The following NLGN1 variants were observed in gnomAD, a reference collection of about 807,000 sequenced individuals.
NLGN1 encodes neuroligin 1.
NLGN1 carries 12 observed loss-of-function variants against 65.5 expected under a neutral mutation model. The ratio of observed to expected loss-of-function variants is 0.18; its 90% CI spans 0.12 to 0.30. The LOEUF (loss-of-function observed/expected upper bound fraction) is 0.30, where lower values mean the gene tolerates loss of function less well. Among genes scored for constraint, NLGN1 ranks in the 10% least tolerant of loss-of-function variants. The pLI is 1.00. For missense variants in NLGN1, 750 were observed against 1,007.1 expected (o/e 0.74, Z 3.46); for synonymous variants, 350 against 359.5 (o/e 0.97, Z 0.30).
intron 4 of NLGN1, among the ~76,000 whole-genome samples, chr3:174,272,392 T>TATC (rs1461442953): frequency 6.6e-6 from 1 of 151,802 alleles, no homozygotes; most frequent in African/African-American, 2.4e-5. Context: ...TAGCAAACTG[T>TATC]ATCTCTTTTG....
intron 4 of NLGN1, among the ~76,000 whole-genome samples, chr3:174,230,985 A>G (rs756928857): frequency 6.6e-6 from 1 of 152,148 alleles, no homozygotes; most frequent in Non-Finnish European, 1.5e-5. Context: ...GTCCTCAGGC[A>G]GGAAGGGGGT....
intron 2 of NLGN1, among the ~76,000 whole-genome samples, chr3:173,534,587 G>T (rs1234268096): frequency 1.3e-5 from 2 of 152,122 alleles, no homozygotes; most frequent in East Asian, 1.9e-4. Context: ...GCTTTCTAGG[G>T]CAGGAGCTAT....
At position 173,600,667 on chromosome 3, in the gene NLGN1, A is replaced by G. The variant is rs115632861; in HGVS notation, c.-320-3612A>G. On this transcript the variant is annotated intron_variant, in intron 2 of 6. Coordinates refer to ENST00000457714, the Ensembl canonical transcript of NLGN1. Reference sequence around the variant, plus strand: ...ATATTTCCTGCTAGGCCCTGCTCCCACATTCATCATGTATTTATTGAACAC... The same window carrying G: ...ATATTTCCTGCTAGGCCCTGCTCCCGCATTCATCATGTATTTATTGAACAC... 3.4e-3 allele frequency among the ~76,000 whole-genome samples: 472 copies of G among 137,100 alleles called. 2 individuals carry two copies. Among genetic ancestry groups the G allele is most frequent in the African/African-American group, 0.012 (454 of 38,406 alleles). 89.9% of individuals were successfully genotyped at this position (137,100 alleles called of 152,430 possible).
At chr3:174,155,810 T>G (rs748287) in intron 4 of NLGN1, among the ~76,000 whole-genome samples, 44,781 of 151,578 alleles carry the variant, frequency 0.3, 7,822 homozygotes, top group East Asian at 0.57. Context: ...TTTTGTAATT[T>G]TAAAAAATAA....
chr3:173,527,181 T>C (rs1158301905), intron 2 of NLGN1, among the ~76,000 whole-genome samples: 2 of 152,198 alleles, frequency 1.3e-5, no homozygotes, highest in Non-Finnish European at 2.9e-5. Flanking sequence ...ACAGCAACAG[T>C]GTATGAGGGT....
At chr3:173,405,490 A>C (rs781512333) in intron 1 of NLGN1, among the ~76,000 whole-genome samples, 5 of 152,194 alleles carry the variant, frequency 3.3e-5, no homozygotes, top group East Asian at 3.9e-4. Flanking sequence ...GAGTCAATGA[A>C]ATATGGCAAC....
At chr3:173,566,291 G>A (rs1258576121) in intron 2 of NLGN1, among the ~76,000 whole-genome samples, 1 of 152,094 alleles carries the variant, frequency 6.6e-6, no homozygotes, top group Admixed American at 6.6e-5. Flanking sequence ...GCTTCTCTAG[G>A]TTTTAATCGT....
intron 4 of NLGN1, among the ~76,000 whole-genome samples, chr3:174,156,229 T>TA (rs1294670797): frequency 6.6e-6 from 1 of 151,950 alleles, no homozygotes; most frequent in Non-Finnish European, 1.5e-5. Context: ...GAATACCATT[T>TA]AAGCCAGTTA....
chr3:173,639,815 A>G (rs937186517), intron 3 of NLGN1, among the ~76,000 whole-genome samples: 6 of 152,086 alleles, frequency 3.9e-5, no homozygotes, highest in African/African-American at 1.2e-4. Context: ...TCACTAAGCA[A>G]TTGTCTGTCT....
At chr3:173,659,906 A>G (rs1760672632) in intron 3 of NLGN1, among the ~76,000 whole-genome samples, 1 of 151,872 alleles carries the variant, frequency 6.6e-6, no homozygotes, top group Non-Finnish European at 1.5e-5. Flanking sequence ...AAAGTCCACT[A>G]CCTTAATAAC....
intron 3 of NLGN1, among the ~76,000 whole-genome samples, chr3:173,755,932 T>C (rs141192710): frequency 3.9e-5 from 6 of 152,266 alleles, no homozygotes; most frequent in East Asian, 3.9e-4. Flanking sequence ...TATATATTGA[T>C]TCAACTGGAA....
chr3:173,696,445 A>C (rs1185355270), intron 3 of NLGN1, among the ~76,000 whole-genome samples: 1 of 152,094 alleles, frequency 6.6e-6, no homozygotes, highest in Non-Finnish European at 1.5e-5. Flanking sequence ...AGTTTTCTAA[A>C]CCTTGAAAAG....
chr3:173,500,514 T>C (rs138916153), intron 2 of NLGN1, among the ~76,000 whole-genome samples: 2 of 152,034 alleles, frequency 1.3e-5, no homozygotes, highest in East Asian at 1.9e-4. Context: ...TAAAATTCTC[T>C]TTTTTTTGTG....
chr3:173,446,621 G>C (rs1720393251), intron 2 of NLGN1, among the ~76,000 whole-genome samples: 1 of 152,156 alleles, frequency 6.6e-6, no homozygotes, highest in South Asian at 2.1e-4. Context: ...TCTAGTTCCA[G>C]ATCCCTGAGG....
At chr3:174,072,802 A>G (rs1007414282) in intron 4 of NLGN1, among the ~76,000 whole-genome samples, 1 of 152,164 alleles carries the variant, frequency 6.6e-6, no homozygotes, top group African/African-American at 2.4e-5. Context: ...AAATGAGTTC[A>G]TAGCAGAGTA....
intron 4 of NLGN1, among the ~76,000 whole-genome samples, chr3:174,268,823 G>C (rs2152873797): frequency 6.6e-6 from 1 of 152,138 alleles, no homozygotes; most frequent in Admixed American, 6.5e-5. Flanking sequence ...CAGCAACACA[G>C]TGTGTTATTT....
chr3:173,843,342 A>G (rs1487606173), intron 4 of NLGN1, among the ~76,000 whole-genome samples: 3 of 152,216 alleles, frequency 2.0e-5, no homozygotes, highest in Admixed American at 2.0e-4. Context: ...ATTAGCATTC[A>G]GCTCCTGGTT....
chr3:173,532,575 C>T (rs1736759229), intron 2 of NLGN1, among the ~76,000 whole-genome samples: 1 of 152,114 alleles, frequency 6.6e-6, no homozygotes, highest in Non-Finnish European at 1.5e-5. Context: ...TAAGGAGATA[C>T]TATAAATTGT....
At chr3:173,940,170 C>T (rs1486817147) in intron 4 of NLGN1, among the ~76,000 whole-genome samples, 1 of 141,144 alleles carries the variant, frequency 7.1e-6, no homozygotes. Flanking sequence ...CTCACTGCAA[C>T]CTCCGCCTCC....
Sources: gnomAD v4.1 joint callset for allele counts (sites outside exome capture counted in the v4.1 genomes callset) on GRCh38, gnomAD v4.1.1 for gene constraint, MANE v1.5 for transcripts, NCBI Gene and HGNC (gene_info 2026-07-23, HGNC 2026-07-21) for gene names.